Variants in SMARCA1 observed in about 807,000 individuals in gnomAD.
SMARCA1 encodes the protein SWI/SNF-related matrix-associated actin-dependent regulator of chromatin subfamily A member 1.
SMARCA1 carries 17 observed loss-of-function variants against 93.6 expected under a neutral mutation model. The observed-to-expected ratio is 0.18, with a 90% CI of 0.12 to 0.27. The LOEUF (loss-of-function observed/expected upper bound fraction) is 0.27. SMARCA1 is among the 10% of genes least tolerant of loss of function. SMARCA1 has a pLI of 1.00. For missense variants in SMARCA1, 630 were observed against 819.0 expected, an observed-to-expected ratio of 0.77 and a Z score of 2.82; for synonymous variants, 271 against 271.4, an observed-to-expected ratio of 1.00 and a Z score of 0.01.
intron 19 of SMARCA1, among the ~76,000 whole-genome samples, chrX:129,472,777 A>G (rs1933194261): frequency 8.9e-6 from 1 of 112,206 alleles, no homozygotes; most frequent in Non-Finnish European, 1.9e-5. Context: ...TCTGTTGAGC[A>G]TTTCTAACTT....
At chrX:129,483,809 T>C (rs1183956996) in intron 17 of SMARCA1, among the ~76,000 whole-genome samples, 1 of 112,353 alleles carries the variant, frequency 8.9e-6, no homozygotes, top group Admixed American at 9.5e-5. Context: ...TTACCAGGTA[T>C]GGTTGTAAAA....
chrX:129,454,179 C>A (rs1336924186), intron 23 of SMARCA1, among the ~76,000 whole-genome samples: 5 of 111,810 alleles, frequency 4.5e-5, no homozygotes, highest in Non-Finnish European at 9.4e-5. Flanking sequence ...CTGACAAAAA[C>A]AAGCAATGGG....
At chrX:129,485,749 T>G (rs1933862667) in intron 17 of SMARCA1, among the ~76,000 whole-genome samples, 1 of 111,111 alleles carries the variant, frequency 9.0e-6, no homozygotes, top group Non-Finnish European at 1.9e-5. Context: ...AGTTCTCTCA[T>G]TCTATTAGTT....
At position 129,446,862 on chromosome X, in the gene SMARCA1, G is replaced by A. The variant is rs1347718507; in HGVS notation, c.*300C>T. The stretch of plus-strand genomic sequence containing the variant: ...AATCTAGGTTCTCTTTCAAAGCAGC[G>A]GCATATAAAACATAGAAAAGCTAAA... On this transcript the variant is annotated 3_prime_UTR_variant, in exon 25 of 25. Transcript: ENST00000371121. 5.5e-5 allele frequency: 10 copies of A among 181,571 alleles called. No individual in the cohort carries two copies. Among genetic ancestry groups the A allele is most frequent in the African/African-American group, 1.2e-4 (4 of 32,703 alleles). The allele number at this position is 181,571 out of a possible 1,213,427, so 15.0% of individuals were successfully genotyped here.
At chrX:129,494,680 A>G (rs1430855620) in intron 12 of SMARCA1, among the ~76,000 whole-genome samples, 1 of 111,522 alleles carries the variant, frequency 9.0e-6, no homozygotes, top group African/African-American at 3.3e-5. Context: ...TGCAGTACGT[A>G]CTGCAATATG....
At chrX:129,502,435 C>G (rs1309503306) in intron 9 of SMARCA1, among the ~76,000 whole-genome samples, 3 of 110,789 alleles carry the variant, frequency 2.7e-5, no homozygotes, top group Non-Finnish European at 5.7e-5. Flanking sequence ...AGCAAAGTTT[C>G]CAGCAGGAGG....
At chrX:129,497,021 ACCCC>A (rs61660022) in intron 11 of SMARCA1, 150 bp from the exon 12 acceptor site, 18 of 385,572 alleles carry the variant, frequency 4.7e-5, no homozygotes, top group Non-Finnish European at 7.5e-5. Flanking sequence ...ACACACACAC[ACCCC>A]CACACACCTT....
At chrX:129,449,717 T>C (rs1932194390) in intron 23 of SMARCA1, among the ~76,000 whole-genome samples, 1 of 110,916 alleles carries the variant, frequency 9.0e-6, no homozygotes, top group African/African-American at 3.3e-5. Context: ...TAAGCAAAAA[T>C]GCCTGCCAGA....
chrX:129,458,511 C>T lies in SMARCA1; in HGVS notation c.3030+7009G>A, dbSNP rs1190160320. Reference sequence around the variant, plus strand: ...TAAATGATGTAATGTTTGCAGTGAGCAGCACTGCCCCTTAGTGTGTGGTGA... The same window carrying T: ...TAAATGATGTAATGTTTGCAGTGAGTAGCACTGCCCCTTAGTGTGTGGTGA... On this transcript the variant is annotated intron_variant, in intron 23 of 24. Coordinates refer to ENST00000371121, the MANE Select transcript of SMARCA1 (RefSeq NM_001282874.2). Among the ~76,000 whole-genome samples, 3 of 112,221 alleles carry T rather than the reference C, an allele frequency of 2.7e-5. No homozygotes were observed. The Admixed American group carries it at 2.8e-4, about 11-fold the overall frequency.
intron 5 of SMARCA1, 141 bp from the exon 6 acceptor site, chrX:129,512,124 C>G: frequency 2.1e-6 from 1 of 466,335 alleles, no homozygotes; most frequent in Non-Finnish European, 3.7e-6. Context: ...GTAAAAATAC[C>G]AAATACCTTT....
intron 1 of SMARCA1, chrX:129,518,777 A>T (rs988740903): frequency 2.4e-5 from 3 of 125,562 alleles, no homozygotes; most frequent in Non-Finnish European, 4.8e-5. Flanking sequence ...ATTAAATAAG[A>T]GATTTTAAAA....
At chrX:129,478,118 T>C (rs1304300490) in intron 19 of SMARCA1, among the ~76,000 whole-genome samples, 1 of 112,034 alleles carries the variant, frequency 8.9e-6, no homozygotes, top group Non-Finnish European at 1.9e-5. Context: ...AACACTTCCC[T>C]GATCTCCCAG....
intron 5 of SMARCA1, among the ~76,000 whole-genome samples, chrX:129,512,921 G>A (rs1237193203): frequency 8.9e-6 from 1 of 111,967 alleles, no homozygotes; most frequent in Non-Finnish European, 1.9e-5. Flanking sequence ...ACAGCAATAA[G>A]AGAGAAGTTG....
chrX:129,464,854 C>T (rs1442196672), intron 23 of SMARCA1, among the ~76,000 whole-genome samples: 1 of 111,972 alleles, frequency 8.9e-6, no homozygotes, highest in East Asian at 2.8e-4. Flanking sequence ...ATCACTTCCA[C>T]AGCACTCTTG....
chrX:129,476,824 C>T (rs565113885), intron 19 of SMARCA1, among the ~76,000 whole-genome samples: 42 of 111,760 alleles, frequency 3.8e-4, no homozygotes, highest in African/African-American at 1.3e-3. Flanking sequence ...TATATCACAT[C>T]ATCCTTAAAA....
intron 11 of SMARCA1, 150 bp from the exon 12 acceptor site, chrX:129,497,021 A>G (rs1556309341): frequency 2.6e-6 from 1 of 385,633 alleles, no homozygotes; most frequent in Non-Finnish European, 4.4e-6. Flanking sequence ...ACACACACAC[A>G]CCCCCACACA....
At chrX:129,457,203 T>A (rs1260007874) in intron 23 of SMARCA1, among the ~76,000 whole-genome samples, 1 of 112,614 alleles carries the variant, frequency 8.9e-6, no homozygotes, top group East Asian at 2.7e-4. Flanking sequence ...TTAACCTTTT[T>A]AAGCAATAAA....
intron 20 of SMARCA1, among the ~76,000 whole-genome samples, chrX:129,470,138 C>T (rs1022194041): frequency 2.7e-5 from 3 of 111,588 alleles, no homozygotes; most frequent in Middle Eastern, 9.3e-3. Context: ...TTACCTACTA[C>T]TATGCATCGC....
chrX:129,508,608 T>A (rs1449260340), intron 6 of SMARCA1, among the ~76,000 whole-genome samples: 1 of 112,576 alleles, frequency 8.9e-6, no homozygotes, highest in Non-Finnish European at 1.9e-5. Flanking sequence ...TGTTAAAAGG[T>A]CATGGAAGCC....
Sources: gnomAD v4.1 joint callset for allele counts (sites outside exome capture counted in the v4.1 genomes callset) on GRCh38, gnomAD v4.1.1 for gene constraint, MANE v1.5 for transcripts, NCBI Gene and HGNC (gene_info 2026-07-23, HGNC 2026-07-21) for gene names.